The following IGF1R variants were observed in gnomAD, a reference collection of about 807,000 sequenced individuals.
IGF1R encodes the protein insulin like growth factor 1 receptor, also known as insulin-like growth factor 1 receptor.
A neutral mutation model predicts 144.6 loss-of-function variants in IGF1R; 44 were observed. The observed-to-expected ratio is 0.30, with a 90% CI of 0.24 to 0.39. IGF1R has a LOEUF of 0.39. Ranked by LOEUF, IGF1R falls within the 10% of genes least tolerant of loss-of-function variation. The probability of loss-of-function intolerance (pLI) is 1.00; values close to 1 mark genes in which losing one functional copy is unlikely to be tolerated. For missense variants in IGF1R, 1,355 were observed against 1,833.7 expected, an observed-to-expected ratio of 0.74 and a Z score of 4.77; for synonymous variants, 795 against 722.8, an observed-to-expected ratio of 1.10 and a Z score of -1.60.
At chr15:98,824,594 G>A (rs535380220) in intron 2 of IGF1R, among the ~76,000 whole-genome samples, 99 of 152,286 alleles carry the variant, frequency 6.5e-4, no homozygotes, top group African/African-American at 2.3e-3. Flanking sequence ...CAGAGGCATG[G>A]GCCATTAGGC....
chr15:98,911,485 C>G, intron 7 of IGF1R, 44 bp downstream of exon 7: 1 of 1,613,108 alleles, frequency 6.2e-7, no homozygotes, highest in Non-Finnish European at 8.5e-7. Context: ...GACAGGGCTA[C>G]GAATGGGAGA....
rs78652670 is a variant in IGF1R, at chr15:98,844,487, C to CT, written c.641-46837dup. Among the ~76,000 whole-genome samples the CT allele has an allele frequency of 6.6e-5, 10 of 152,062 alleles. No individual in the cohort carries two copies. The East Asian group carries it at 1.2e-3, about 18-fold the overall frequency. ...GTAGGGGGCGTGTCATGCCATACAG[C>CT]TAAATACACTTTTTTCCTAATCTAG... On this transcript the variant is annotated intron_variant, in intron 2 of 20. Transcript: ENST00000650285.
intron 18 of IGF1R, among the ~76,000 whole-genome samples, chr15:98,940,276 G>T (rs1415460704): frequency 1.3e-5 from 2 of 152,216 alleles, no homozygotes; most frequent in African/African-American, 4.8e-5. Context: ...ATGGACCTCT[G>T]TGTCTAGTTC....
At chr15:98,867,741 T>C (rs1489355076) in intron 2 of IGF1R, among the ~76,000 whole-genome samples, 4 of 152,234 alleles carry the variant, frequency 2.6e-5, no homozygotes, top group Admixed American at 2.6e-4. Context: ...AAAAGCTTTT[T>C]GACTTTATAT....
Position 98,916,862 on chromosome 15 carries a change from C to T in IGF1R, c.2187C>T (p.Ser729=). The T allele has an allele frequency of 6.2e-7, 1 of 1,614,094 alleles. No homozygotes were observed. Among genetic ancestry groups the T allele is most frequent in the Non-Finnish European group, 8.5e-7 (1 of 1,179,976 alleles). ...TCTTTGAGAATTTCCTGCACAACTC[C>T]ATCTTCGTGCCCAGGTACCCAGCTC... ...RKVFENFLHN[S]IFVPRPERKR... Residue 729 remains serine (S), a synonymous_variant, in exon 10 of 21, where the codon TCC becomes TCT. Transcript: ENST00000650285.
At chr15:98,918,787 G>A (rs186595651) in intron 10 of IGF1R, among the ~76,000 whole-genome samples, 145 of 152,298 alleles carry the variant, frequency 9.5e-4, no homozygotes, top group African/African-American at 3.3e-3. Context: ...GCTGAGGCAG[G>A]ATAATCGCTT....
intron 8 of IGF1R, among the ~76,000 whole-genome samples, chr15:98,914,181 G>A (rs1184409389): frequency 6.6e-6 from 1 of 152,174 alleles, no homozygotes; most frequent in Non-Finnish European, 1.5e-5. Context: ...ATTCATGAGG[G>A]CTTCACTCCC....
At chr15:98,855,598 G>A (rs977219665) in intron 2 of IGF1R, among the ~76,000 whole-genome samples, 11 of 152,084 alleles carry the variant, frequency 7.2e-5, no homozygotes, top group Admixed American at 2.0e-4. Context: ...TTGTACCCCC[G>A]CTTGGCAAGC....
At chr15:98,706,871 G>A (rs1270698351) in intron 1 of IGF1R, among the ~76,000 whole-genome samples, 2 of 150,292 alleles carry the variant, frequency 1.3e-5, no homozygotes, top group Admixed American at 1.3e-4. Flanking sequence ...TAGGAAGCAT[G>A]CTTTCTTGAT....
intron 8 of IGF1R, among the ~76,000 whole-genome samples, chr15:98,914,999 A>G (rs2015181475): frequency 6.6e-6 from 1 of 152,216 alleles, no homozygotes; most frequent in African/African-American, 2.4e-5. Flanking sequence ...CCTTGTGTGT[A>G]TCGTATAACC....
chr15:98,913,203 T>C lies in IGF1R; in HGVS notation c.1749T>C (p.Ala583=), dbSNP rs2015099258. 1 of 1,614,204 alleles carries C rather than the reference T, an allele frequency of 6.2e-7. No individual in the cohort carries two copies. The highest frequency in any genetic ancestry group is 8.5e-7 in the Non-Finnish European group (1 of 1,180,036). ...PWTQYAVYVK[A]VTLTMVENDH... ...CTCAGTACGCCGTTTACGTCAAGGCTGTGACCCTCACCATGGTGGAGAACG... is the reference window on the plus strand; with the variant it reads ...CTCAGTACGCCGTTTACGTCAAGGCCGTGACCCTCACCATGGTGGAGAACG... Residue 583 remains alanine (A), a synonymous_variant, in exon 8 of 21, where the codon GCT becomes GCC. Transcript: ENST00000650285.
intron 2 of IGF1R, among the ~76,000 whole-genome samples, chr15:98,852,445 G>C (rs1430290816): frequency 6.6e-6 from 1 of 152,262 alleles, no homozygotes; most frequent in African/African-American, 2.4e-5. Flanking sequence ...GCCAATCGCT[G>C]CGTTGGGAAA....
chr15:98,823,192 G>T (rs2056833330), intron 2 of IGF1R, among the ~76,000 whole-genome samples: 1 of 152,346 alleles, frequency 6.6e-6, no homozygotes, highest in East Asian at 1.9e-4. Flanking sequence ...GACTACATAA[G>T]ATGTGCTGTT....
intron 5 of IGF1R, among the ~76,000 whole-genome samples, chr15:98,902,588 T>TTG (rs35088422): frequency 0.18 from 25,182 of 138,712 alleles, 2,305 homozygotes; most frequent in African/African-American, 0.26. Context: ...CGGCTTATTT[T>TTG]TGCTTTTAGT....
intron 2 of IGF1R, among the ~76,000 whole-genome samples, chr15:98,877,342 CG>C (rs2013108642): frequency 6.6e-6 from 1 of 151,992 alleles, no homozygotes; most frequent in Admixed American, 6.5e-5. Context: ...ACCCAGGACA[CG>C]AAGAGAAGTT....
At chr15:98,806,915 C>T (rs111839275) in intron 2 of IGF1R, among the ~76,000 whole-genome samples, 5 of 152,202 alleles carry the variant, frequency 3.3e-5, no homozygotes, top group South Asian at 2.1e-4. Flanking sequence ...AATCCCAGCA[C>T]GTTGGGAGGC....
At chr15:98,697,621 G>C (rs2053624159) in intron 1 of IGF1R, among the ~76,000 whole-genome samples, 1 of 152,040 alleles carries the variant, frequency 6.6e-6, no homozygotes, top group Non-Finnish European at 1.5e-5. Context: ...GGTTCTCGGT[G>C]GTGGACGGGC....
At chr15:98,950,458 A>T (rs915475375) in intron 20 of IGF1R, among the ~76,000 whole-genome samples, 16 of 152,208 alleles carry the variant, frequency 1.1e-4, no homozygotes. Context: ...GGACATCTTC[A>T]GGCTCCTTCA....
intron 5 of IGF1R, among the ~76,000 whole-genome samples, chr15:98,901,928 A>G (rs1458469653): frequency 1.3e-5 from 2 of 152,212 alleles, no homozygotes; most frequent in African/African-American, 4.8e-5. Context: ...TACTAGAGTT[A>G]TGTAAGATGT....
Sources: allele counts gnomAD v4.1 joint callset (sites outside exome capture counted in the v4.1 genomes callset), GRCh38; gene constraint gnomAD v4.1.1; transcripts MANE v1.5; gene names NCBI Gene and HGNC (gene_info 2026-07-23, HGNC 2026-07-21).